The following BACH2 variants were observed in gnomAD, a reference collection of about 807,000 sequenced individuals.
BACH2 encodes transcription regulator protein BACH2.
BACH2 carries 5 observed loss-of-function variants against 61.8 expected under a neutral mutation model. The observed-to-expected ratio is 0.08, with a 90% CI of 0.04 to 0.17. The LOEUF (loss-of-function observed/expected upper bound fraction) is 0.17. Ranked by LOEUF, BACH2 falls within the 10% of genes least tolerant of loss-of-function variation. The probability of loss-of-function intolerance (pLI) is 1.00; values close to 1 mark genes in which losing one functional copy is unlikely to be tolerated. For synonymous variants in BACH2, 446 were observed against 440.1 expected, an observed-to-expected ratio of 1.01 and a Z score of -0.17; for missense variants, 824 against 1,091.1, an observed-to-expected ratio of 0.76 and a Z score of 3.45.
chr6:89,957,687 T>A (rs1774500854), intron 6 of BACH2, among the ~76,000 whole-genome samples: 1 of 152,102 alleles, frequency 6.6e-6, no homozygotes, highest in African/African-American at 2.4e-5. Context: ...ACTATCGGCA[T>A]ATACCACTAT....
At chr6:90,182,472 T>A (rs923447158) in intron 4 of BACH2, among the ~76,000 whole-genome samples, 2 of 152,292 alleles carry the variant, frequency 1.3e-5, no homozygotes, top group African/African-American at 4.8e-5. Context: ...CCCTCAAGAA[T>A]CAGGACAGGC....
chr6:90,296,437 C>T (rs2127898067), intron 1 of BACH2, 43 bp downstream of exon 1: 1 of 151,044 alleles, frequency 6.6e-6, no homozygotes, highest in East Asian at 2.0e-4. Context: ...GCCCCGCCAC[C>T]CCGCCCAGCG....
intron 1 of BACH2, among the ~76,000 whole-genome samples, chr6:90,293,465 G>A (rs1772243746): frequency 1.3e-5 from 2 of 152,140 alleles, no homozygotes; most frequent in Non-Finnish European, 2.9e-5. Flanking sequence ...CCCTTTTGTT[G>A]GCATCACAGG....
At position 90,176,934 on chromosome 6, in the gene BACH2, G is replaced by A. The variant is rs554978244; in HGVS notation, c.-162+29635C>T. The stretch of plus-strand genomic sequence containing the variant: ...CACTTAGATTGTCCTCCTTTCTGCC[G>A]TCCTTCTGGCTTCTCTGGCTGGAGA... On this transcript the variant is annotated intron_variant, in intron 4 of 8. Transcript: ENST00000257749. Among the ~76,000 whole-genome samples, 17 of 152,122 alleles carry A rather than the reference G, an allele frequency of 1.1e-4. 1 individual carries two copies. Among genetic ancestry groups the A allele is most frequent in the South Asian group, 4.2e-4 (2 of 4,806 alleles).
At chr6:90,280,897 T>A (rs1292145013) in intron 1 of BACH2, among the ~76,000 whole-genome samples, 1 of 152,078 alleles carries the variant, frequency 6.6e-6, no homozygotes, top group Non-Finnish European at 1.5e-5. Context: ...CCACTTCTAG[T>A]GATGGAAGAC....
chr6:90,165,478 C>G (rs1767577691), intron 4 of BACH2, among the ~76,000 whole-genome samples: 1 of 152,122 alleles, frequency 6.6e-6, no homozygotes, highest in Admixed American at 6.5e-5. Context: ...AATGGCCATA[C>G]TGCCCAAGGT....
Position 89,975,606 on chromosome 6 carries a change from C to T in BACH2, c.244-23744G>A, listed in dbSNP as rs150113179. Reference sequence around the variant, plus strand: ...CTGGCCGCTGTCTGGTAATGTACTTCTTCCTTTATTTTTTGGTTTACAAAC... The same window carrying T: ...CTGGCCGCTGTCTGGTAATGTACTTTTTCCTTTATTTTTTGGTTTACAAAC... On this transcript the variant is annotated intron_variant, in intron 6 of 8. Coordinates refer to ENST00000257749, the MANE Select transcript of BACH2 (RefSeq NM_021813.4). 2.9e-3 allele frequency among the ~76,000 whole-genome samples: 436 copies of T among 152,312 alleles called. 4 individuals carry two copies. Among genetic ancestry groups the T allele is most frequent in the African/African-American group, 0.01 (420 of 41,556 alleles).
At chr6:90,199,390 A>G (rs1265148826) in intron 4 of BACH2, among the ~76,000 whole-genome samples, 1 of 152,232 alleles carries the variant, frequency 6.6e-6, no homozygotes, top group Non-Finnish European at 1.5e-5. Context: ...TGGAATGTAT[A>G]TGTTTCATAC....
chr6:90,137,169 C>A (rs754432899), intron 4 of BACH2, among the ~76,000 whole-genome samples: 29 of 152,082 alleles, frequency 1.9e-4, no homozygotes, highest in Non-Finnish European at 2.9e-4. Context: ...ATTTTTAAAC[C>A]CAAGACACAA....
chr6:90,110,406 C>T lies in BACH2; in HGVS notation c.-161-21297G>A, dbSNP rs185185336. Among the ~76,000 whole-genome samples, 527 of 152,304 alleles carry T rather than the reference C, an allele frequency of 3.5e-3. 2 individuals are homozygous for T. The highest frequency in any genetic ancestry group is 0.013 in the South Asian group (62 of 4,824). ...ACCTGTGCATAATTTTATAACATTA[C>T]CCATTTGGTCATTTGGAAATACTTG... On this transcript the variant is annotated intron_variant, in intron 4 of 8. Transcript: ENST00000257749.
At chr6:90,055,550 C>G (rs1562405588) in intron 5 of BACH2, among the ~76,000 whole-genome samples, 1 of 151,940 alleles carries the variant, frequency 6.6e-6, no homozygotes, top group African/African-American at 2.4e-5. Flanking sequence ...AAACACTCTG[C>G]AGGATATTAT....
At chr6:90,097,128 T>C (rs777821012) in intron 4 of BACH2, among the ~76,000 whole-genome samples, 3 of 152,236 alleles carry the variant, frequency 2.0e-5, no homozygotes, top group South Asian at 2.1e-4. Flanking sequence ...TCCAAGCTCA[T>C]GGATGACTCT....
intron 4 of BACH2, among the ~76,000 whole-genome samples, chr6:90,111,622 A>G (rs1474382011): frequency 6.6e-6 from 1 of 152,126 alleles, no homozygotes; most frequent in Non-Finnish European, 1.5e-5. Flanking sequence ...CTCCTCATTT[A>G]GGTCTCATCT....
chr6:90,009,157 A>G lies in BACH2; in HGVS notation c.-12-301T>C, dbSNP rs1777572324. On this transcript the variant is annotated intron_variant, in intron 5 of 8. Transcript: ENST00000257749. Reference sequence around the variant, plus strand: ...ATAGAACATTTAAAACATTTAAAACACATTGGTATTTTAAAACTTGGTGGT... The same window carrying G: ...ATAGAACATTTAAAACATTTAAAACGCATTGGTATTTTAAAACTTGGTGGT... 2.6e-5 allele frequency among the ~76,000 whole-genome samples: 3 copies of G among 113,470 alleles called. No individual in the cohort carries two copies. The South Asian group carries it at 7.9e-4, about 30-fold the overall frequency. 74.4% of individuals were successfully genotyped at this position (113,470 alleles called of 152,430 possible).
At chr6:89,982,066 G>T (rs1775987543) in intron 6 of BACH2, among the ~76,000 whole-genome samples, 1 of 152,046 alleles carries the variant, frequency 6.6e-6, no homozygotes, top group Admixed American at 6.6e-5. Flanking sequence ...TACCTCACAG[G>T]CTCAAGCAAT....
At chr6:90,191,123 T>G (rs544128787) in intron 4 of BACH2, among the ~76,000 whole-genome samples, 22 of 152,242 alleles carry the variant, frequency 1.4e-4, no homozygotes, top group Non-Finnish European at 3.1e-4. Context: ...GACTTAAGGC[T>G]ACCTTTTCTT....
intron 6 of BACH2, among the ~76,000 whole-genome samples, chr6:89,983,609 C>T (rs13347342): frequency 0.12 from 18,730 of 152,100 alleles, 1,189 homozygotes; most frequent in Non-Finnish European, 0.14. Flanking sequence ...GCAGAGGTTG[C>T]GGTGAGCCGA....
chr6:90,052,851 A>T (rs1248728658), intron 5 of BACH2, among the ~76,000 whole-genome samples: 1 of 152,172 alleles, frequency 6.6e-6, no homozygotes, highest in Admixed American at 6.5e-5. Context: ...ATATTTTTTA[A>T]AAAATCTTAA....
At chr6:90,005,278 C>T (rs897197961) in intron 6 of BACH2, among the ~76,000 whole-genome samples, 1 of 152,074 alleles carries the variant, frequency 6.6e-6, no homozygotes. Context: ...GCTGTGCTGG[C>T]CCCCTTGAGG....
Sources: gnomAD v4.1 joint callset for allele counts (sites outside exome capture counted in the v4.1 genomes callset) on GRCh38, gnomAD v4.1.1 for gene constraint, MANE v1.5 for transcripts, NCBI Gene and HGNC (gene_info 2026-07-23, HGNC 2026-07-21) for gene names.